TIGIT: variants seen among roughly 807,000 people sequenced by gnomAD.
TIGIT encodes the protein T-cell immunoreceptor with Ig and ITIM domains.
Under a neutral mutation model 19.6 loss-of-function variants are expected in TIGIT, and 11 were observed. The ratio of observed to expected loss-of-function variants is 0.56; its 90% CI spans 0.35 to 0.93. The LOEUF (loss-of-function observed/expected upper bound fraction) is 0.93. Ranked by LOEUF, TIGIT falls within the 40% of genes least tolerant of loss-of-function variation. TIGIT has a pLI of 0.01. For missense variants in TIGIT, 295 were observed against 303.9 expected (o/e 0.97, Z 0.22); for synonymous variants, 130 against 125.5 (o/e 1.04, Z -0.24).
At position 114,307,972 on chromosome 3, in the gene TIGIT, T is replaced by G; in HGVS notation, c.576T>G (p.Ser192Arg). 6.2e-7 allele frequency: 1 copy of G among 1,614,082 alleles called. No individual in the cohort carries two copies. Among genetic ancestry groups the G allele is most frequent in the South Asian group, 1.1e-5 (1 of 91,076 alleles). ...CTGGACAGGAGGAATGGAGCCCCAGTGCTCCCTCACCCCCAGGAAGCTGTG... is the reference window on the plus strand; with the variant it reads ...CTGGACAGGAGGAATGGAGCCCCAGGGCTCCCTCACCCCCAGGAAGCTGTG... Reference protein sequence around the residue: ...KSAGQEEWSPSAPSPPGSCVQ... With the variant: ...KSAGQEEWSPRAPSPPGSCVQ... Residue 192 changes from serine to arginine, a missense_variant, in exon 4 of 4, where the codon AGT (serine) becomes AGG (arginine). Coordinates refer to ENST00000383671, the MANE Select transcript of TIGIT (RefSeq NM_173799.4).
Position 114,294,195 on chromosome 3 carries a change from GT to G in TIGIT, c.61+74del, listed in dbSNP as rs914932973. ...AGCTTGGTTGGAGACTTGGGTGCTT[GT>G]GTAGGGAAGACTCCAAGAGCATGCC... On this transcript the variant is annotated intron_variant, in intron 1 of 3. Coordinates refer to ENST00000383671, the MANE Select transcript of TIGIT (RefSeq NM_173799.4). The G allele has an allele frequency of 3.2e-6, 4 of 1,239,888 alleles. No individual in the cohort carries two copies. The African/African-American group carries it at 6.1e-5, about 19-fold the overall frequency. The allele number at this position is 1,239,888 out of a possible 1,614,324, so 76.8% of individuals were successfully genotyped here. A position where few individuals can be genotyped will look rare whatever the true frequency, so the allele number is the denominator to read the frequency against.
At chr3:114,305,216 G>A (rs1316642) in intron 3 of TIGIT, among the ~76,000 whole-genome samples, 54,782 of 151,998 alleles carry the variant, frequency 0.36, 10,041 homozygotes, top group East Asian at 0.58. Flanking sequence ...TAGAGTCAGT[G>A]CACCAGCTCA....
At chr3:114,303,110 T>G (rs2078502694) in intron 3 of TIGIT, among the ~76,000 whole-genome samples, 1 of 152,158 alleles carries the variant, frequency 6.6e-6, no homozygotes. Flanking sequence ...TTCGTTTTTC[T>G]TTCTATAAAT....
chr3:114,307,220 T>C (rs1409239820), intron 3 of TIGIT, among the ~76,000 whole-genome samples: 1 of 152,162 alleles, frequency 6.6e-6, no homozygotes, highest in Non-Finnish European at 1.5e-5. Context: ...ACAATTTGAG[T>C]CTGAGCTTGC....
intron 2 of TIGIT, among the ~76,000 whole-genome samples, chr3:114,298,200 C>T (rs2078467480): frequency 6.6e-6 from 1 of 152,212 alleles, no homozygotes; most frequent in Non-Finnish European, 1.5e-5. Context: ...AGGGCTGCTT[C>T]TGTTTCAAAG....
rs2078450004 is a variant in TIGIT at position 114,295,791 on chromosome 3, C to T, written c.308C>T (p.Thr103Ile). Residue 103 changes from threonine (T) to isoleucine (I), a missense_variant, in exon 2 of 4, where the codon ACA becomes ATA. Physicochemically the swap from Thr to Ile is moderately conservative, Grantham distance 89. Transcript: ENST00000383671. ...CTCCAGTCGCTGACCGTGAACGATA[C>T]AGGGGAGTACTTCTGCATCTATCAC... ...LTLQSLTVND[T>I]GEYFCIYHTY... is the part of the protein sequence containing the mutation. 3.1e-6 allele frequency: 5 copies of T among 1,614,202 alleles called. No homozygotes were observed. The highest frequency in any genetic ancestry group is 4.2e-6 in the Non-Finnish European group (5 of 1,180,036).
chr3:114,303,621 G>GTT (rs2078511385), intron 3 of TIGIT, among the ~76,000 whole-genome samples: 1 of 56,796 alleles, frequency 1.8e-5, no homozygotes, highest in African/African-American at 5.1e-5. Flanking sequence ...ACATATATAT[G>GTT]TATATATATA....
chr3:114,308,079 T>G lies in TIGIT; in HGVS notation c.683T>G (p.Val228Gly). ...GCCGAGCTGCATGACTACTTCAATG[T>G]CCTGAGTTACAGAAGCCTGGGTAAC... is the stretch of plus-strand genomic sequence containing the variant. Reference protein sequence around the residue: ...DCAELHDYFNVLSYRSLGNCS... With the variant: ...DCAELHDYFNGLSYRSLGNCS... Residue 228 changes from valine (V) to glycine (G), a missense_variant, in exon 4 of 4, where the codon GTC becomes GGC. By Grantham distance (109) the Val-to-Gly change is moderately radical. Coordinates refer to ENST00000383671, the MANE Select transcript of TIGIT (RefSeq NM_173799.4). The G allele has an allele frequency of 6.2e-7, 1 of 1,614,148 alleles. No homozygotes were observed. Among genetic ancestry groups the G allele is most frequent in the Non-Finnish European group, 8.5e-7 (1 of 1,180,030 alleles).
intron 2 of TIGIT, among the ~76,000 whole-genome samples, chr3:114,296,794 T>G (rs542124321): frequency 6.6e-6 from 1 of 152,198 alleles, no homozygotes; most frequent in African/African-American, 2.4e-5. Flanking sequence ...TATTTACTGC[T>G]GTCAGTTATG....
chr3:114,309,237 C>T lies in TIGIT; in HGVS notation c.*1106C>T, dbSNP rs878986663. On this transcript the variant is annotated 3_prime_UTR_variant, in exon 4 of 4. Coordinates refer to ENST00000383671, the MANE Select transcript of TIGIT (RefSeq NM_173799.4). Reference sequence around the variant, plus strand: ...GGTTTAAAAAATAAACACCTTCAAACTAACTTCTTCGAACCCTTTTATTCA... The same window carrying T: ...GGTTTAAAAAATAAACACCTTCAAATTAACTTCTTCGAACCCTTTTATTCA... The T allele has an allele frequency of 3.3e-5, 5 of 152,230 alleles. No homozygotes were observed. The highest frequency in any genetic ancestry group is 1.2e-4 in the African/African-American group (5 of 41,460). The allele number at this position is 152,230 out of a possible 1,614,324, so 9.4% of individuals were successfully genotyped here.
At position 114,297,364 on chromosome 3, in the gene TIGIT, A is replaced by G. The variant is rs146820180; in HGVS notation, c.391+1490A>G. On this transcript the variant is annotated intron_variant, in intron 2 of 3. Transcript: ENST00000383671. The stretch of plus-strand genomic sequence containing the variant: ...ACAAGTAAGGTCTTACAACAGTGCT[A>G]GATAGGTAATAAGCTTAACTTCATA... 3.3e-4 allele frequency among the ~76,000 whole-genome samples: 50 copies of G among 152,324 alleles called. 1 individual carries two copies. In the East Asian group the frequency reaches 9.4e-3, roughly 29 times the overall value.
Position 114,295,720 on chromosome 3 carries a change from A to G in TIGIT, c.237A>G (p.Pro79=), listed in dbSNP as rs2107947155. The part of the protein sequence containing the change: ...CNADLGWHIS[P]SFKDRVAPGP... The stretch of plus-strand genomic sequence containing the variant: ...CTGACTTGGGGTGGCACATCTCCCC[A>G]TCCTTCAAGGATCGAGTGGCCCCAG... Residue 79 remains proline (P), a synonymous_variant, in exon 2 of 4, where the codon CCA becomes CCG. Coordinates refer to ENST00000383671, the MANE Select transcript of TIGIT (RefSeq NM_173799.4). 1 of 1,614,214 alleles carries G rather than the reference A, an allele frequency of 6.2e-7. No individual in the cohort carries two copies. The highest frequency in any genetic ancestry group is 1.1e-5 in the South Asian group (1 of 91,092).
chr3:114,305,965 C>G (rs1260994507), intron 3 of TIGIT, among the ~76,000 whole-genome samples: 1 of 152,020 alleles, frequency 6.6e-6, no homozygotes, highest in East Asian at 1.9e-4. Context: ...AGAAGTCTCA[C>G]CACAGGCTGT....
At chr3:114,296,190 T>C (rs2078452854) in intron 2 of TIGIT, among the ~76,000 whole-genome samples, 1 of 152,270 alleles carries the variant, frequency 6.6e-6, no homozygotes, top group Admixed American at 6.5e-5. Context: ...TGAGGTCATA[T>C]GCAAAAGTTC....
chr3:114,307,871 A>G lies in TIGIT; in HGVS notation c.499-24A>G, dbSNP rs1487999678. On this transcript the variant is annotated intron_variant, in intron 3 of 3. Transcript: ENST00000383671. Reference sequence around the variant, plus strand: ...TGTTGAATAACATCCCCACATACTCACTTTGTAGTTTGTTTGTTTTTAGAA... The same window carrying G: ...TGTTGAATAACATCCCCACATACTCGCTTTGTAGTTTGTTTGTTTTTAGAA... 1.9e-6 allele frequency: 3 copies of G among 1,599,596 alleles called. No homozygotes were observed. The African/African-American group carries it at 4.0e-5, about 21-fold the overall frequency.
intron 3 of TIGIT, among the ~76,000 whole-genome samples, chr3:114,303,575 A>ATATATATACACATATATATG (rs2078509333): frequency 2.0e-3 from 10 of 5,002 alleles, no homozygotes; most frequent in African/African-American, 3.3e-3. Context: ...ATATATATGT[A>ATATATATACACATATATATG]TATATATATA....
intron 3 of TIGIT, among the ~76,000 whole-genome samples, chr3:114,301,614 C>G (rs1008055346): frequency 1.3e-5 from 2 of 152,176 alleles, no homozygotes; most frequent in Non-Finnish European, 2.9e-5. Context: ...ACAACTTTTC[C>G]TGTTAAGGAT....
intron 2 of TIGIT, 114 bp from the exon 3 acceptor site, chr3:114,299,483 T>G (rs2078475490): frequency 1.4e-6 from 1 of 733,590 alleles, no homozygotes; most frequent in Non-Finnish European, 2.4e-6. Flanking sequence ...GTCCCATGGT[T>G]ACACAAAGGG....
Position 114,295,708 on chromosome 3 carries a change from G to T in TIGIT, c.225G>T (p.Trp75Cys), listed in dbSNP as rs202226565. 56 of 1,614,210 alleles carry T rather than the reference G, an allele frequency of 3.5e-5. No individual in the cohort carries two copies. The East Asian group carries it at 1.1e-3, about 33-fold the overall frequency. Residue 75 changes from tryptophan (W) to cysteine (C), a missense_variant, in exon 2 of 4, where the codon TGG becomes TGT. By Grantham distance (215) the Trp-to-Cys change is radical. Coordinates refer to ENST00000383671, the MANE Select transcript of TIGIT (RefSeq NM_173799.4). ...LLAICNADLG[W>C]HISPSFKDRV... ...CCATTTGTAATGCTGACTTGGGGTG[G>T]CACATCTCCCCATCCTTCAAGGATC...
Sources: allele counts gnomAD v4.1 joint callset (sites outside exome capture counted in the v4.1 genomes callset), GRCh38; gene constraint gnomAD v4.1.1; transcripts MANE v1.5; gene names NCBI Gene and HGNC (gene_info 2026-07-23, HGNC 2026-07-21).